DOCK3: variants seen among roughly 807,000 people sequenced by gnomAD.
DOCK3 encodes the protein dedicator of cytokinesis protein 3.
Under a neutral mutation model 265.6 loss-of-function variants are expected in DOCK3, and 60 were observed. That is an observed-to-expected ratio of 0.23 (90% CI 0.18 to 0.28). The LOEUF is 0.28. Ranked by LOEUF, DOCK3 falls within the 10% of genes least tolerant of loss-of-function variation. DOCK3 has a pLI of 1.00. For missense variants in DOCK3, 1,981 were observed against 2,594.3 expected (o/e 0.76, Z 5.14); for synonymous variants, 881 against 938.0 (o/e 0.94, Z 1.11).
intron 14 of DOCK3, among the ~76,000 whole-genome samples, chr3:51,219,876 G>A (rs954285058): frequency 4.6e-5 from 7 of 152,114 alleles, no homozygotes; most frequent in Non-Finnish European, 1.0e-4. Flanking sequence ...CTCAAAAGAG[G>A]TTGGAAGATC....
chr3:51,155,347 G>A (rs570620745), intron 10 of DOCK3, among the ~76,000 whole-genome samples: 1 of 152,204 alleles, frequency 6.6e-6, no homozygotes, highest in East Asian at 1.9e-4. Flanking sequence ...CAAGATTTCT[G>A]AACAAGATTA....
At chr3:50,790,999 A>G (rs2108603215) in intron 2 of DOCK3, among the ~76,000 whole-genome samples, 1 of 152,038 alleles carries the variant, frequency 6.6e-6, no homozygotes, top group Admixed American at 6.6e-5. Context: ...AGTTCCTTGT[A>G]GACGATATTA....
chr3:51,320,499 G>T (rs1384182859), intron 32 of DOCK3, among the ~76,000 whole-genome samples: 1 of 152,128 alleles, frequency 6.6e-6, no homozygotes, highest in Non-Finnish European at 1.5e-5. Context: ...CTGGAAAGGG[G>T]GCTAAAGCCA....
chr3:50,943,559 TAG>T (rs2076352000), intron 5 of DOCK3, among the ~76,000 whole-genome samples: 10 of 152,118 alleles, frequency 6.6e-5, no homozygotes, highest in African/African-American at 2.4e-4. Context: ...GCTAAGGTGT[TAG>T]ATGTTTTCTT....
intron 2 of DOCK3, among the ~76,000 whole-genome samples, chr3:50,833,340 A>G (rs1434422827): frequency 2.0e-5 from 3 of 152,182 alleles, no homozygotes; most frequent in Non-Finnish European, 4.4e-5. Context: ...ACTAAAGACA[A>G]ATCATAATAG....
At chr3:50,915,336 T>C (rs1046013728) in intron 4 of DOCK3, among the ~76,000 whole-genome samples, 7 of 151,942 alleles carry the variant, frequency 4.6e-5, no homozygotes, top group African/African-American at 1.7e-4. Flanking sequence ...AGGGGCAGAA[T>C]GTACCTGCCC....
At chr3:50,763,172 T>C (rs773545036) in intron 1 of DOCK3, among the ~76,000 whole-genome samples, 3 of 152,210 alleles carry the variant, frequency 2.0e-5, no homozygotes, top group Non-Finnish European at 2.9e-5. Flanking sequence ...TTTCTAACCA[T>C]TGTTAAGTCA....
chr3:50,903,736 A>C (rs1385511433), intron 4 of DOCK3, among the ~76,000 whole-genome samples: 1 of 152,008 alleles, frequency 6.6e-6, no homozygotes, highest in Non-Finnish European at 1.5e-5. Context: ...TTTTAGTAGA[A>C]ATGGTACCAG....
chr3:51,184,315 A>AC (rs1487620180), intron 12 of DOCK3, among the ~76,000 whole-genome samples: 1 of 82,288 alleles, frequency 1.2e-5, no homozygotes, highest in Non-Finnish European at 2.8e-5. Context: ...CTGCTTTGAA[A>AC]CAAAAAAAAA....
chr3:51,101,240 C>T (rs1217016309), intron 9 of DOCK3, among the ~76,000 whole-genome samples: 2 of 151,620 alleles, frequency 1.3e-5, no homozygotes, highest in Admixed American at 1.3e-4. Flanking sequence ...CCTGCCTCAG[C>T]CTCCCGAGTA....
chr3:50,998,368 C>A (rs1377795353), intron 5 of DOCK3, among the ~76,000 whole-genome samples: 1 of 152,094 alleles, frequency 6.6e-6, no homozygotes, highest in Non-Finnish European at 1.5e-5. Context: ...GAAGATGGGG[C>A]CCAGATTTGT....
chr3:50,912,910 C>A (rs545815029), intron 4 of DOCK3, among the ~76,000 whole-genome samples: 10 of 152,172 alleles, frequency 6.6e-5, no homozygotes, highest in African/African-American at 2.4e-4. Context: ...GTCCTGGAAT[C>A]GAGGGCCCCT....
chr3:51,006,169 G>T (rs529468413), intron 5 of DOCK3, among the ~76,000 whole-genome samples: 1 of 151,240 alleles, frequency 6.6e-6, no homozygotes, highest in African/African-American at 2.4e-5. Flanking sequence ...GTCTCTGCTC[G>T]TGTTACAGTC....
At chr3:50,844,472 C>T (rs1318429789) in intron 3 of DOCK3, among the ~76,000 whole-genome samples, 1 of 152,086 alleles carries the variant, frequency 6.6e-6, no homozygotes, top group Non-Finnish European at 1.5e-5. Context: ...GCTTCTGCCT[C>T]AGCCTCCCAA....
At chr3:50,778,292 T>A (rs2041723479) in intron 1 of DOCK3, among the ~76,000 whole-genome samples, 1 of 152,198 alleles carries the variant, frequency 6.6e-6, no homozygotes, top group Non-Finnish European at 1.5e-5. Context: ...TTAAAAAATA[T>A]CTATTTGTTT....
At chr3:50,959,962 G>A (rs2108379763) in intron 5 of DOCK3, among the ~76,000 whole-genome samples, 1 of 152,238 alleles carries the variant, frequency 6.6e-6, no homozygotes, top group Non-Finnish European at 1.5e-5. Flanking sequence ...ATTTTAGTTA[G>A]CATAATGTCC....
intron 12 of DOCK3, among the ~76,000 whole-genome samples, chr3:51,164,665 A>G (rs1049798319): frequency 6.6e-6 from 1 of 150,404 alleles, no homozygotes; most frequent in African/African-American, 2.5e-5. Context: ...AGAATGCCCC[A>G]TATCATGAAA....
At chr3:50,871,445 CT>C (rs1441049207) in intron 3 of DOCK3, among the ~76,000 whole-genome samples, 1 of 151,658 alleles carries the variant, frequency 6.6e-6, no homozygotes, top group African/African-American at 2.4e-5. Flanking sequence ...TTTTAGGATC[CT>C]TTTTTTAATC....
intron 27 of DOCK3, among the ~76,000 whole-genome samples, chr3:51,292,974 G>C (rs574408502): frequency 2.0e-5 from 3 of 152,138 alleles, no homozygotes; most frequent in Non-Finnish European, 2.9e-5. Context: ...GGAAATTAAA[G>C]ATTATGCAAA....
Sources: gnomAD v4.1 joint callset for allele counts (sites outside exome capture counted in the v4.1 genomes callset) on GRCh38, gnomAD v4.1.1 for gene constraint, MANE v1.5 for transcripts, NCBI Gene and HGNC (gene_info 2026-07-23, HGNC 2026-07-21) for gene names.